GFM1: variants seen among roughly 807,000 people sequenced by gnomAD.
GFM1 encodes the protein elongation factor G, mitochondrial.
Under a neutral mutation model 96.2 loss-of-function variants are expected in GFM1, and 62 were observed. The observed-to-expected ratio is 0.64, with a 90% CI of 0.53 to 0.80. The LOEUF is 0.80. Among genes scored for constraint, GFM1 ranks in the 30% least tolerant of loss-of-function variants. The probability of loss-of-function intolerance (pLI) is 0.00; values close to 1 mark genes in which losing one functional copy is unlikely to be tolerated. For missense variants in GFM1, 852 were observed against 916.6 expected (o/e 0.93, Z 0.91); for synonymous variants, 282 against 312.9 (o/e 0.90, Z 1.04).
chr3:158,655,147 C>T (rs908069611), intron 8 of GFM1, among the ~76,000 whole-genome samples: 15 of 152,040 alleles, frequency 9.9e-5, no homozygotes, highest in Non-Finnish European at 1.5e-4. Flanking sequence ...ACCAAAATCT[C>T]GCAAACAATT....
Position 158,693,318 on chromosome 3 carries a change from A to G in GFM1, c.*1851A>G, listed in dbSNP as rs532748401. 5 of 152,356 alleles carry G rather than the reference A, an allele frequency of 3.3e-5. No homozygotes were observed. In the South Asian group the frequency reaches 8.3e-4, roughly 25 times the overall value. The allele number at this position is 152,356 out of a possible 1,614,324, so 9.4% of individuals were successfully genotyped here. A position where few individuals can be genotyped will look rare whatever the true frequency, so the allele number is the denominator to read the frequency against. ...TCTGTGTACCTTCATGGAATTTAGCATGATTCCTATGGCTATTGAGAATAG... is the reference window on the plus strand; with the variant it reads ...TCTGTGTACCTTCATGGAATTTAGCGTGATTCCTATGGCTATTGAGAATAG... On this transcript the variant is annotated 3_prime_UTR_variant, in exon 18 of 18. Coordinates refer to ENST00000486715, the MANE Select transcript of GFM1 (RefSeq NM_024996.7).
chr3:158,679,473 T>A (rs1463147471), intron 13 of GFM1, among the ~76,000 whole-genome samples: 1 of 152,216 alleles, frequency 6.6e-6, no homozygotes, highest in Non-Finnish European at 1.5e-5. Context: ...AAATACAGTG[T>A]TTCTTTGGAC....
intron 7 of GFM1, 28 bp downstream of exon 7, chr3:158,653,495 T>A: frequency 6.5e-7 from 1 of 1,536,756 alleles, no homozygotes; most frequent in Non-Finnish European, 9.0e-7. Context: ...AATCTTAGTT[T>A]ATGCAGAAAT....
chr3:158,666,515 G>A, intron 13 of GFM1, 129 bp downstream of exon 13: 2 of 1,137,498 alleles, frequency 1.8e-6, no homozygotes, highest in Non-Finnish European at 2.6e-6. Flanking sequence ...ACTCTATAAA[G>A]TTCTATACTG....
chr3:158,650,368 A>C lies in GFM1; in HGVS notation c.689+1211A>C, dbSNP rs73028908. On this transcript the variant is annotated intron_variant, in intron 5 of 17. Transcript: ENST00000486715. ...AGGGACTCAAAAATATTTGTAAATG[A>C]ATGAATAAATCCACTTTCCCAGAAT... 1.0e-2 allele frequency: 2,865 copies of C among 287,210 alleles called. 67 individuals are homozygous for C. Among genetic ancestry groups the C allele is most frequent in the African/African-American group, 0.057 (2,722 of 47,540 alleles). 17.8% of individuals were successfully genotyped at this position (287,210 alleles called of 1,614,324 possible). A position where few individuals can be genotyped will look rare whatever the true frequency, so the allele number is the denominator to read the frequency against.
At chr3:158,650,341 A>C in intron 5 of GFM1, 1 of 345,474 alleles carries the variant, frequency 2.9e-6, no homozygotes, top group Admixed American at 3.9e-5. Flanking sequence ...CTAGTACATA[A>C]TAGGGACTCA....
chr3:158,673,688 T>G (rs141077482), intron 13 of GFM1, among the ~76,000 whole-genome samples: 4 of 151,858 alleles, frequency 2.6e-5, no homozygotes, highest in Non-Finnish European at 5.9e-5. Context: ...GTTTTTTGTA[T>G]TTTTAGTAGA....
chr3:158,650,500 T>A (rs1722201328), intron 5 of GFM1: 1 of 168,338 alleles, frequency 5.9e-6, no homozygotes, highest in Non-Finnish European at 1.3e-5. Flanking sequence ...TCCCCAGCCC[T>A]AGTTTACTGT....
intron 5 of GFM1, chr3:158,650,168 A>C: frequency 1.1e-6 from 1 of 919,318 alleles, no homozygotes; most frequent in East Asian, 2.6e-5. Flanking sequence ...TGTTTCTCTC[A>C]CTTTTTATGT....
rs1423559822 is a variant in GFM1 at position 158,691,460 on chromosome 3, A to G, written c.2249A>G (p.Lys750Arg). Residue 750 changes from lysine to arginine, a missense_variant, in exon 18 of 18, where the codon AAG becomes AGG. Coordinates refer to ENST00000486715, the MANE Select transcript of GFM1 (RefSeq NM_024996.7). ...GQLPVKKGKA[K>R]N is the part of the protein sequence containing the mutation. ...CTTCCTGTTAAAAAAGGAAAAGCCA[A>G]GAACTAACTTTGCTTACTGTGAGTT... is the stretch of plus-strand genomic sequence containing the variant. 3.7e-6 allele frequency: 6 copies of G among 1,613,742 alleles called. No homozygotes were observed. Among genetic ancestry groups the G allele is most frequent in the East Asian group, 4.5e-5 (2 of 44,828 alleles).
chr3:158,690,109 G>T, intron 15 of GFM1, 54 bp from the exon 16 acceptor site: 2 of 1,453,678 alleles, frequency 1.4e-6, no homozygotes, highest in Non-Finnish European at 9.6e-7. Context: ...TATCTGGACA[G>T]AAGAGTTGTA....
At chr3:158,667,514 A>G (rs1418315216) in intron 13 of GFM1, among the ~76,000 whole-genome samples, 1 of 152,262 alleles carries the variant, frequency 6.6e-6, no homozygotes, top group East Asian at 1.9e-4. Flanking sequence ...GGCCGAGCAC[A>G]GTGGCTCACA....
At position 158,665,388 on chromosome 3, in the gene GFM1, C is replaced by G; in HGVS notation, c.1432C>G (p.Pro478Ala). The change falls in exon 12 of 18, where the codon CCC becomes GCC. Residue 478 changes from proline (P) to alanine (A), a missense_variant. Pro to Ala is a conservative substitution (Grantham distance 27). Transcript: ENST00000486715. ...TATTGGCAGGTTTACAAGAGAAGAT[C>G]CCACATTTAAAGTATACTTTGACAC... ...KGIGRFTREDPTFKVYFDTEN... is the reference protein window; with the variant it reads ...KGIGRFTREDATFKVYFDTEN... 1 of 1,609,322 alleles carries G rather than the reference C, an allele frequency of 6.2e-7. No individual in the cohort carries two copies. The highest frequency in any genetic ancestry group is 1.3e-5 in the African/African-American group (1 of 74,826).
chr3:158,655,980 C>G, intron 8 of GFM1: 1 of 454,090 alleles, frequency 2.2e-6, no homozygotes, highest in Non-Finnish European at 4.4e-6. Context: ...TTGGTCAGCT[C>G]TTTTGTAGAG....
At chr3:158,669,277 A>T in intron 13 of GFM1, 1 of 1,196,250 alleles carries the variant, frequency 8.4e-7, no homozygotes, top group African/African-American at 1.6e-5. Context: ...AAAATTTCTG[A>T]GGCCTCTTTT....
intron 1 of GFM1, chr3:158,645,005 CT>C: frequency 2.7e-6 from 1 of 370,054 alleles, no homozygotes; most frequent in Non-Finnish European, 4.8e-6. Flanking sequence ...TTTTGCCTCT[CT>C]TTTCCCGTGA....
chr3:158,682,788 G>A (rs1725516005), intron 14 of GFM1, among the ~76,000 whole-genome samples: 1 of 152,128 alleles, frequency 6.6e-6, no homozygotes, highest in Non-Finnish European at 1.5e-5. Flanking sequence ...ATTTTGGGAG[G>A]CCGAGGCGGG....
intron 13 of GFM1, among the ~76,000 whole-genome samples, chr3:158,668,338 GA>G: frequency 6.6e-6 from 1 of 152,030 alleles, no homozygotes; most frequent in Non-Finnish European, 1.5e-5. Flanking sequence ...ATCATGACGA[GA>G]AAAAAATCTG....
chr3:158,651,849 C>T (rs962367126), intron 5 of GFM1, among the ~76,000 whole-genome samples: 2 of 151,866 alleles, frequency 1.3e-5, no homozygotes, highest in African/African-American at 4.8e-5. Context: ...TTATAGTGGA[C>T]TGTTTTAGCT....
Sources: gnomAD v4.1 joint callset for allele counts (sites outside exome capture counted in the v4.1 genomes callset) on GRCh38, gnomAD v4.1.1 for gene constraint, MANE v1.5 for transcripts, NCBI Gene and HGNC (gene_info 2026-07-23, HGNC 2026-07-21) for gene names.